GCNT1: variants seen among roughly 807,000 people sequenced by gnomAD.
GCNT1 encodes beta-1,3-galactosyl-O-glycosyl-glycoprotein beta-1,6-N-acetylglucosaminyltransferase.
A neutral mutation model predicts 26.2 loss-of-function variants in GCNT1; 16 were observed. The ratio of observed to expected loss-of-function variants is 0.61; its 90% CI spans 0.41 to 0.93. GCNT1 has a LOEUF of 0.93. Among genes scored for constraint, GCNT1 ranks in the 40% least tolerant of loss-of-function variants. The pLI, the probability that GCNT1 is intolerant of heterozygous loss-of-function variation, is 0.00. For missense variants in GCNT1, 477 were observed against 526.7 expected (o/e 0.91, Z 0.92); for synonymous variants, 183 against 190.8 (o/e 0.96, Z 0.34).
chr9:76,481,669 TA>T (rs1395010390), intron 2 of GCNT1, among the ~76,000 whole-genome samples: 2 of 152,112 alleles, frequency 1.3e-5, no homozygotes, highest in South Asian at 2.1e-4. Flanking sequence ...GCACGTGATT[TA>T]AAAAAGAAGA....
intron 2 of GCNT1, among the ~76,000 whole-genome samples, chr9:76,479,705 G>A (rs1156248215): frequency 6.6e-6 from 1 of 152,154 alleles, no homozygotes; most frequent in Non-Finnish European, 1.5e-5. Context: ...TGTTGATGGG[G>A]TTGTTTGTTT....
At chr9:76,478,374 C>T (rs1028805014) in intron 2 of GCNT1, among the ~76,000 whole-genome samples, 8 of 152,070 alleles carry the variant, frequency 5.3e-5, no homozygotes, top group African/African-American at 1.9e-4. Context: ...ACGCTCACTG[C>T]GAAGGTCTGC....
intron 2 of GCNT1, among the ~76,000 whole-genome samples, chr9:76,469,961 A>T (rs1824094280): frequency 6.6e-6 from 1 of 152,172 alleles, no homozygotes; most frequent in Admixed American, 6.5e-5. Context: ...CCATCTTGGG[A>T]GCTCTGGGAG....
chr9:76,399,112 TTATGTTAACC>T, the GCNT1 span: 1 of 1,574,910 alleles, frequency 6.3e-7, no homozygotes, highest in Non-Finnish European at 8.6e-7. Context: ...CGGAGGCATC[TTATGTTAACC>T]TACCTACCAT....
intron 2 of GCNT1, among the ~76,000 whole-genome samples, chr9:76,468,927 GA>G (rs953536530): frequency 1.6e-4 from 25 of 151,886 alleles, no homozygotes; most frequent in African/African-American, 5.5e-4. Flanking sequence ...GCTCTCAAAG[GA>G]AAAAAAATTA....
chr9:76,495,714 G>A (rs955721224), intron 2 of GCNT1, among the ~76,000 whole-genome samples: 2 of 152,188 alleles, frequency 1.3e-5, no homozygotes, highest in East Asian at 1.9e-4. Context: ...CTCTCAATAA[G>A]GCCACTCAAA....
intron 1 of GCNT1, among the ~76,000 whole-genome samples, chr9:76,433,694 G>A (rs928285106): frequency 6.6e-6 from 1 of 152,210 alleles, no homozygotes; most frequent in Non-Finnish European, 1.5e-5. Flanking sequence ...GCCTCTTGCA[G>A]GGAGCCCTGG....
Position 76,503,511 on chromosome 9 carries a change from T to C in GCNT1, c.1130T>C (p.Val377Ala). The C allele has an allele frequency of 1.2e-6, 2 of 1,614,248 alleles. No homozygotes were observed. The highest frequency in any genetic ancestry group is 1.7e-6 in the Non-Finnish European group (2 of 1,180,042). Reference sequence around the variant, plus strand: ...TACCCGCCCTGCGATGGAGTCCATGTGCGCTCAGTGTGCATTTTCGGAGCT... The same window carrying C: ...TACCCGCCCTGCGATGGAGTCCATGCGCGCTCAGTGTGCATTTTCGGAGCT... ...APYPPCDGVHVRSVCIFGAGD... is the reference protein window; with the variant it reads ...APYPPCDGVHARSVCIFGAGD... The change falls in exon 4 of 4, where the codon GTG becomes GCG. Residue 377 changes from valine (V) to alanine (A), a missense_variant. Coordinates refer to ENST00000376730, the MANE Select transcript of GCNT1 (RefSeq NM_001490.5).
intron 1 of GCNT1, among the ~76,000 whole-genome samples, chr9:76,450,852 A>C (rs1183039881): frequency 6.6e-6 from 1 of 152,222 alleles, no homozygotes; most frequent in Non-Finnish European, 1.5e-5. Flanking sequence ...TTATGCATAC[A>C]TTTAACACTT....
At chr9:76,400,537 A>C in the GCNT1 span, among the ~76,000 whole-genome samples, 1 of 152,218 alleles carries the variant, frequency 6.6e-6, no homozygotes, top group East Asian at 1.9e-4. Flanking sequence ...TCTTAGGATC[A>C]GTCTAAACTA....
chr9:76,494,907 G>A (rs924247324), intron 2 of GCNT1, among the ~76,000 whole-genome samples: 5 of 152,166 alleles, frequency 3.3e-5, no homozygotes, highest in Non-Finnish European at 7.3e-5. Flanking sequence ...CCTGGGCTCA[G>A]CCTGGAAGTA....
intron 1 of GCNT1, among the ~76,000 whole-genome samples, chr9:76,421,612 A>AC (rs373083285): frequency 0.075 from 10,890 of 144,322 alleles, 743 homozygotes; most frequent in African/African-American, 0.15. Flanking sequence ...AAAAAAAAAA[A>AC]AAAAAAAAAA....
chr9:76,429,239 C>G (rs184101304), intron 1 of GCNT1, among the ~76,000 whole-genome samples: 33 of 152,130 alleles, frequency 2.2e-4, no homozygotes, highest in African/African-American at 8.0e-4. Context: ...TGATTCTATT[C>G]CTATAGCATG....
intron 1 of GCNT1, among the ~76,000 whole-genome samples, chr9:76,452,237 G>C (rs920121919): frequency 6.6e-6 from 1 of 152,018 alleles, no homozygotes; most frequent in African/African-American, 2.4e-5. Flanking sequence ...CCAAAGTGCT[G>C]GGATTACAGG....
chr9:76,447,411 T>TTA (rs1161158134), intron 1 of GCNT1, among the ~76,000 whole-genome samples: 1 of 151,716 alleles, frequency 6.6e-6, no homozygotes, highest in African/African-American at 2.4e-5. Context: ...CAGCTAATTT[T>TTA]TATTTTTATT....
the GCNT1 span, among the ~76,000 whole-genome samples, chr9:76,412,260 A>T: frequency 6.6e-6 from 1 of 152,236 alleles, no homozygotes; most frequent in Admixed American, 6.5e-5. Context: ...ACACCCAATC[A>T]AATACATTTT....
At chr9:76,463,985 C>T (rs1823937699) in intron 2 of GCNT1, among the ~76,000 whole-genome samples, 1 of 151,038 alleles carries the variant, frequency 6.6e-6, no homozygotes, top group African/African-American at 2.4e-5. Context: ...CGCTTGAGGC[C>T]AGGACTTTGA....
the GCNT1 span, among the ~76,000 whole-genome samples, chr9:76,412,865 A>G: frequency 0.34 from 51,156 of 152,026 alleles, 9,166 homozygotes; most frequent in Middle Eastern, 0.4. Flanking sequence ...CACAGTGACC[A>G]CTTCTCAGTC....
intron 2 of GCNT1, among the ~76,000 whole-genome samples, chr9:76,475,997 G>C (rs1187790193): frequency 3.3e-5 from 5 of 152,184 alleles, no homozygotes; most frequent in Non-Finnish European, 7.3e-5. Flanking sequence ...TTTGGGAAAG[G>C]ACCAGAGGAA....
Sources: allele counts gnomAD v4.1 joint callset (sites outside exome capture counted in the v4.1 genomes callset), GRCh38; gene constraint gnomAD v4.1.1; transcripts MANE v1.5; gene names NCBI Gene and HGNC (gene_info 2026-07-23, HGNC 2026-07-21).